Variants in SDCCAG8 observed in about 807,000 individuals in gnomAD.
SDCCAG8 encodes serologically defined colon cancer antigen 8.
SDCCAG8 carries 74 observed loss-of-function variants against 101.8 expected under a neutral mutation model. That is an observed-to-expected ratio of 0.73 (90% CI 0.60 to 0.88). The LOEUF (loss-of-function observed/expected upper bound fraction) is 0.88. Ranked by LOEUF, SDCCAG8 falls within the 40% of genes least tolerant of loss-of-function variation. The pLI is 0.00. For missense variants in SDCCAG8, 787 were observed against 822.6 expected (o/e 0.96, Z 0.53); for synonymous variants, 281 against 292.9 (o/e 0.96, Z 0.41).
At chr1:243,307,051 G>GTT (rs1159311378) in intron 7 of SDCCAG8, among the ~76,000 whole-genome samples, 1 of 147,006 alleles carries the variant, frequency 6.8e-6, no homozygotes, top group African/African-American at 2.6e-5. Context: ...CAGCTAGAAA[G>GTT]TTTTTTTTTG....
intron 17 of SDCCAG8, among the ~76,000 whole-genome samples, chr1:243,493,258 G>C (rs1307351404): frequency 3.3e-5 from 5 of 151,796 alleles, no homozygotes; most frequent in Non-Finnish European, 7.4e-5. Context: ...GGTGAGGGTG[G>C]TGGGTCTCAG....
At chr1:243,461,798 T>G (rs1215075580) in intron 16 of SDCCAG8, among the ~76,000 whole-genome samples, 1 of 152,182 alleles carries the variant, frequency 6.6e-6, no homozygotes, top group African/African-American at 2.4e-5. Flanking sequence ...GGAGGTGTTT[T>G]CTTGGATGAA....
intron 6 of SDCCAG8, among the ~76,000 whole-genome samples, chr1:243,303,859 G>A (rs1272712655): frequency 6.6e-6 from 1 of 152,124 alleles, no homozygotes; most frequent in Non-Finnish European, 1.5e-5. Context: ...GATCACTTGA[G>A]TCCAGGGGTT....
intron 15 of SDCCAG8, among the ~76,000 whole-genome samples, chr1:243,419,843 T>C (rs551440216): frequency 6.6e-6 from 1 of 152,360 alleles, no homozygotes. Context: ...CCTTGGCATG[T>C]AACGGTTAAC....
Position 243,330,549 on chromosome 1 carries a change from C to CTCA in SDCCAG8, c.1078_1079insTCA (p.Gln360delinsLeuLys). On this transcript the variant is annotated protein_altering_variant, in exon 10 of 18. Coordinates refer to ENST00000366541, the MANE Select transcript of SDCCAG8 (RefSeq NM_006642.5). ...TGTTCTATCCTGGCAGGCTTTAATC[C>CTCA]AGTGTGACCAGTTGAGGAAGGAGCT... 3 of 1,613,962 alleles carry CTCA rather than the reference C, an allele frequency of 1.9e-6. No individual in the cohort carries two copies. Among genetic ancestry groups the CTCA allele is most frequent in the Non-Finnish European group, 2.5e-6 (3 of 1,179,970 alleles).
rs528636508 is a variant in SDCCAG8 at position 243,296,713 on chromosome 1, T to C, written c.675+3494T>C. Among the ~76,000 whole-genome samples the C allele has an allele frequency of 1.4e-3, 205 of 151,748 alleles. 1 individual carries two copies. Among genetic ancestry groups the C allele is most frequent in the African/African-American group, 4.7e-3 (195 of 41,448 alleles). On this transcript the variant is annotated intron_variant, in intron 6 of 17. Coordinates refer to ENST00000366541, the MANE Select transcript of SDCCAG8 (RefSeq NM_006642.5). ...GCCCGCCACTGCGCCCGGCTAATTT[T>C]TTTTTGTATTTTTAGTAGAGACGGG...
intron 13 of SDCCAG8, among the ~76,000 whole-genome samples, chr1:243,387,959 G>A (rs934161627): frequency 6.6e-6 from 1 of 152,122 alleles, no homozygotes. Context: ...CTGGTGATCT[G>A]CCTGCCTTAG....
At chr1:243,331,949 C>T (rs895594323) in intron 10 of SDCCAG8, among the ~76,000 whole-genome samples, 5 of 152,114 alleles carry the variant, frequency 3.3e-5, no homozygotes, top group South Asian at 2.1e-4. Context: ...CCATAAGGTT[C>T]GGTTTAGGAT....
intron 12 of SDCCAG8, among the ~76,000 whole-genome samples, chr1:243,372,934 ATATCTATATCTATATCTATC>A (rs1558373276): frequency 1.2e-4 from 17 of 145,440 alleles, no homozygotes; most frequent in Non-Finnish European, 2.5e-4. Flanking sequence ...ATCTATATCT[ATATCTATATCTATATCTATC>A]TATATATATA....
intron 12 of SDCCAG8, among the ~76,000 whole-genome samples, chr1:243,349,810 GGCTGATATAGAAA>G (rs1319116377): frequency 1.3e-5 from 2 of 151,846 alleles, no homozygotes; most frequent in African/African-American, 4.8e-5. Context: ...GAGATAAGAA[GGCTGATATAGAAA>G]GCGTCTTTCT....
intron 15 of SDCCAG8, among the ~76,000 whole-genome samples, chr1:243,425,076 C>T (rs2081252628): frequency 1.3e-5 from 2 of 152,042 alleles, no homozygotes; most frequent in Admixed American, 6.6e-5. Context: ...TAACTCCTTT[C>T]GGACTATTTC....
chr1:243,479,978 C>T (rs182222547), intron 16 of SDCCAG8, among the ~76,000 whole-genome samples: 47 of 151,928 alleles, frequency 3.1e-4, no homozygotes, highest in Non-Finnish European at 6.3e-4. Flanking sequence ...TTATTTTCTC[C>T]ATTTTACAAA....
At chr1:243,327,813 C>T (rs1264064908) in intron 9 of SDCCAG8, among the ~76,000 whole-genome samples, 1 of 152,200 alleles carries the variant, frequency 6.6e-6, no homozygotes, top group East Asian at 1.9e-4. Flanking sequence ...CCAAGTGTTA[C>T]TACGCTTTTC....
In SDCCAG8 at chr1:243,320,529, G is replaced by A. The variant is rs144608085; in HGVS notation, c.1068+3636G>A. ...CTGTCTCCCAGTACACTCAGCTATC[G>A]TCAAAGGCAGGAGGGCTTAGGGGGT... On this transcript the variant is annotated intron_variant, in intron 9 of 17. Coordinates refer to ENST00000366541, the MANE Select transcript of SDCCAG8 (RefSeq NM_006642.5). Among the ~76,000 whole-genome samples the A allele has an allele frequency of 1.8e-4, 28 of 152,168 alleles. 1 individual carries two copies. Among genetic ancestry groups the A allele is most frequent in the African/African-American group, 5.8e-4 (24 of 41,530 alleles).
intron 16 of SDCCAG8, among the ~76,000 whole-genome samples, chr1:243,464,631 A>G (rs1237369620): frequency 2.0e-5 from 3 of 152,376 alleles, no homozygotes; most frequent in Middle Eastern, 3.4e-3. Context: ...ACATAACACC[A>G]TAACACCTTT....
At chr1:243,492,336 C>T (rs374178204) in intron 17 of SDCCAG8, among the ~76,000 whole-genome samples, 3 of 110,198 alleles carry the variant, frequency 2.7e-5, no homozygotes, top group African/African-American at 1.1e-4. Context: ...GAGTCTTGCT[C>T]CGTCACCCGG....
intron 16 of SDCCAG8, among the ~76,000 whole-genome samples, chr1:243,466,481 A>T (rs540212886): frequency 1.3e-5 from 2 of 152,344 alleles, no homozygotes; most frequent in East Asian, 3.9e-4. Flanking sequence ...TTTCTGTGCT[A>T]TGCGATTTTA....
At chr1:243,342,646 T>C (rs193255790) in intron 11 of SDCCAG8, among the ~76,000 whole-genome samples, 1 of 152,298 alleles carries the variant, frequency 6.6e-6, no homozygotes, top group African/African-American at 2.4e-5. Context: ...TAGACATAAA[T>C]ATTAATAGTG....
intron 16 of SDCCAG8, among the ~76,000 whole-genome samples, chr1:243,482,755 T>C (rs1281290945): frequency 2.0e-5 from 3 of 152,160 alleles, no homozygotes; most frequent in Admixed American, 2.0e-4. Context: ...TGGCCACAGC[T>C]CCCAGGGCTC....
Sources: allele counts gnomAD v4.1 joint callset (sites outside exome capture counted in the v4.1 genomes callset), GRCh38; gene constraint gnomAD v4.1.1; transcripts MANE v1.5; gene names NCBI Gene and HGNC (gene_info 2026-07-23, HGNC 2026-07-21).